The following DLGAP1 variants were observed in gnomAD, a reference collection of about 807,000 sequenced individuals.
DLGAP1 encodes the protein DLG associated protein 1.
DLGAP1 carries 11 observed loss-of-function variants against 90.8 expected under a neutral mutation model. The observed-to-expected ratio is 0.12, with a 90% confidence interval of 0.08 to 0.20. The LOEUF is 0.20. DLGAP1 is among the 10% of genes least tolerant of loss of function. The probability of loss-of-function intolerance (pLI) is 1.00; values close to 1 mark genes in which losing one functional copy is unlikely to be tolerated. For missense variants in DLGAP1, 1,050 were observed against 1,333.8 expected, an observed-to-expected ratio of 0.79 and a Z score of 3.31; for synonymous variants, 558 against 540.7, an observed-to-expected ratio of 1.03 and a Z score of -0.44.
At chr18:3,806,809 C>T (rs1376489664) in intron 5 of DLGAP1, among the ~76,000 whole-genome samples, 2 of 152,214 alleles carry the variant, frequency 1.3e-5, no homozygotes, top group African/African-American at 2.4e-5. Flanking sequence ...GCCTTCCCTG[C>T]TCCCCTCCCT....
chr18:3,829,995 C>T lies in DLGAP1; in HGVS notation c.958-15722G>A, dbSNP rs919570052. Among the ~76,000 whole-genome samples the T allele has an allele frequency of 8.5e-5, 13 of 152,138 alleles. 1 individual carries two copies. Among genetic ancestry groups the T allele is most frequent in the African/African-American group, 2.9e-4 (12 of 41,440 alleles). The stretch of plus-strand genomic sequence containing the variant: ...TCAGATTCTCTTCAGCTGTGAGCTG[C>T]ATATGCTCCGTTCATTTTCTGAGGA... On this transcript the variant is annotated intron_variant, in intron 4 of 12. Transcript: ENST00000315677.
chr18:3,632,143 T>C (rs1215048191), intron 7 of DLGAP1, among the ~76,000 whole-genome samples: 1 of 152,210 alleles, frequency 6.6e-6, no homozygotes, highest in Non-Finnish European at 1.5e-5. Flanking sequence ...TATTAACCAC[T>C]GTATTGCTGT....
chr18:4,393,732 C>G (rs562294835), intron 1 of DLGAP1, among the ~76,000 whole-genome samples: 2 of 152,172 alleles, frequency 1.3e-5, no homozygotes, highest in Non-Finnish European at 2.9e-5. Context: ...CCTTTCGGCA[C>G]CAGGGACTGG....
intron 1 of DLGAP1, among the ~76,000 whole-genome samples, chr18:4,333,288 T>A (rs1469133264): frequency 6.6e-6 from 1 of 151,900 alleles, no homozygotes; most frequent in Non-Finnish European, 1.5e-5. Flanking sequence ...GGCTGATGAC[T>A]GGGTCACACT....
chr18:3,798,741 C>CAGG (rs1323944428), intron 5 of DLGAP1, among the ~76,000 whole-genome samples: 1 of 152,288 alleles, frequency 6.6e-6, no homozygotes, highest in East Asian at 1.9e-4. Flanking sequence ...TAGGGCATTC[C>CAGG]AGGTGAGGTG....
intron 1 of DLGAP1, among the ~76,000 whole-genome samples, chr18:4,418,678 G>A (rs191750665): frequency 3.3e-5 from 5 of 152,098 alleles, no homozygotes; most frequent in East Asian, 1.9e-4. Context: ...AGAGAAAAAT[G>A]TTTGGAAAAA....
Position 3,912,898 on chromosome 18 carries a change from CTGG to C in DLGAP1, c.-72-32761_-72-32759del, listed in dbSNP as rs201149192. 3.6e-3 allele frequency among the ~76,000 whole-genome samples: 546 copies of C among 152,140 alleles called. 7 individuals are homozygous for C. The highest frequency in any genetic ancestry group is 0.033 in the Admixed American group (497 of 15,286). Reference sequence around the variant, plus strand: ...GGGTTGGGTGTGGTGGGAAGCCAAGCTGGGGGAACTCTGTGTTTCCTGCTCCAT... The same window carrying C: ...GGGTTGGGTGTGGTGGGAAGCCAAGCGGGAACTCTGTGTTTCCTGCTCCAT... On this transcript the variant is annotated intron_variant, in intron 3 of 12. Coordinates refer to ENST00000315677, the MANE Select transcript of DLGAP1 (RefSeq NM_004746.4).
intron 1 of DLGAP1, among the ~76,000 whole-genome samples, chr18:4,237,512 C>G (rs1365648838): frequency 6.6e-6 from 1 of 152,086 alleles, no homozygotes; most frequent in Non-Finnish European, 1.5e-5. Flanking sequence ...CCACACTGTT[C>G]CTGCCACCCA....
At chr18:4,115,054 G>A (rs1488376392) in intron 2 of DLGAP1, among the ~76,000 whole-genome samples, 1 of 151,848 alleles carries the variant, frequency 6.6e-6, no homozygotes, top group African/African-American at 2.4e-5. Flanking sequence ...CTTGTTTAGT[G>A]TTAAGCAAAT....
intron 5 of DLGAP1, among the ~76,000 whole-genome samples, chr18:3,772,670 A>G (rs1433941709): frequency 1.3e-5 from 2 of 151,762 alleles, no homozygotes; most frequent in African/African-American, 4.9e-5. Flanking sequence ...GCCCCACCCC[A>G]GAACAATTAA....
intron 1 of DLGAP1, among the ~76,000 whole-genome samples, chr18:4,158,792 A>G (rs188595629): frequency 6.6e-5 from 10 of 152,298 alleles, no homozygotes; most frequent in Non-Finnish European, 1.0e-4. Flanking sequence ...TGGGGAAGAG[A>G]GAAAAGTCAG....
At chr18:4,130,539 T>C (rs2076297797) in intron 2 of DLGAP1, among the ~76,000 whole-genome samples, 1 of 152,198 alleles carries the variant, frequency 6.6e-6, no homozygotes, top group Non-Finnish European at 1.5e-5. Context: ...TATGTGCCAC[T>C]TTCTGTTTTC....
At chr18:3,828,542 A>G (rs573799588) in intron 4 of DLGAP1, among the ~76,000 whole-genome samples, 1 of 142,930 alleles carries the variant, frequency 7.0e-6, no homozygotes, top group South Asian at 2.4e-4. Context: ...TGGGAGGCTG[A>G]GGTGAGAGGA....
intron 2 of DLGAP1, among the ~76,000 whole-genome samples, chr18:4,023,591 G>A (rs2074649810): frequency 6.6e-6 from 1 of 152,164 alleles, no homozygotes; most frequent in Non-Finnish European, 1.5e-5. Context: ...TCAGGCACAA[G>A]TGAATCAATA....
chr18:3,853,370 T>C (rs1018970806), intron 4 of DLGAP1, among the ~76,000 whole-genome samples: 2 of 152,146 alleles, frequency 1.3e-5, no homozygotes, highest in African/African-American at 4.8e-5. Flanking sequence ...TGGTCAATAA[T>C]GATTGGATGT....
chr18:3,719,556 C>CAAAAA (rs60129859), intron 7 of DLGAP1, among the ~76,000 whole-genome samples: 68 of 57,786 alleles, frequency 1.2e-3, no homozygotes, highest in African/African-American at 2.4e-3. Context: ...GACTCTGTCT[C>CAAAAA]AAAAAAAAAA....
chr18:4,194,473 A>G (rs1380020767), intron 1 of DLGAP1, among the ~76,000 whole-genome samples: 1 of 152,198 alleles, frequency 6.6e-6, no homozygotes, highest in Non-Finnish European at 1.5e-5. Flanking sequence ...GGCCAAACCA[A>G]TTTTGAAATT....
At chr18:4,247,818 GGATGTA>G (rs2078686683) in intron 1 of DLGAP1, among the ~76,000 whole-genome samples, 2 of 152,176 alleles carry the variant, frequency 1.3e-5, no homozygotes, top group East Asian at 3.9e-4. Context: ...GCAAGGTTTG[GGATGTA>G]ACGATATTGC....
intron 5 of DLGAP1, among the ~76,000 whole-genome samples, chr18:3,807,966 A>G (rs1264603647): frequency 6.6e-6 from 1 of 152,226 alleles, no homozygotes; most frequent in Admixed American, 6.5e-5. Context: ...TTATATAGCA[A>G]GAAACCAGGA....
Sources: gnomAD v4.1 joint callset for allele counts (sites outside exome capture counted in the v4.1 genomes callset) on GRCh38, gnomAD v4.1.1 for gene constraint, MANE v1.5 for transcripts, NCBI Gene and HGNC (gene_info 2026-07-23, HGNC 2026-07-21) for gene names.